Variants in SUPV3L1 observed in about 807,000 individuals in gnomAD.
SUPV3L1 encodes the protein Suv3 like RNA helicase.
A neutral mutation model predicts 70.0 loss-of-function variants in SUPV3L1; 35 were observed. The ratio of observed to expected loss-of-function variants is 0.50; its 90% CI spans 0.38 to 0.66. The LOEUF is 0.66. SUPV3L1 is among the 30% of genes least tolerant of loss of function. SUPV3L1 has a pLI of 0.00. For synonymous variants in SUPV3L1, 364 were observed against 341.9 expected (o/e 1.06, Z -0.71); for missense variants, 777 against 961.5 (o/e 0.81, Z 2.54).
Position 69,204,229 on chromosome 10 carries a change from T to A in SUPV3L1, c.1776+1186T>A, listed in dbSNP as rs896776503. Among the ~76,000 whole-genome samples, 47 of 152,156 alleles carry A rather than the reference T, an allele frequency of 3.1e-4. 1 individual carries two copies. Among genetic ancestry groups the A allele is most frequent in the Non-Finnish European group, 7.3e-5 (5 of 68,030 alleles). On this transcript the variant is annotated intron_variant, in intron 13 of 14. Transcript: ENST00000359655. Reference sequence around the variant, plus strand: ...GCGGTTCAGAACTGTATGTACCTTATAAACATAACATGTTCTCTCACCTCC... The same window carrying A: ...GCGGTTCAGAACTGTATGTACCTTAAAAACATAACATGTTCTCTCACCTCC...
chr10:69,201,350 T>C (rs563734321), intron 11 of SUPV3L1, among the ~76,000 whole-genome samples: 1 of 152,250 alleles, frequency 6.6e-6, no homozygotes, highest in East Asian at 1.9e-4. Flanking sequence ...GTCCTAACGG[T>C]GTAATGTGTA....
In SUPV3L1 at chr10:69,201,265, CTCTTT is replaced by C. The variant is rs1842673442; in HGVS notation, c.1518+771_1518+775del. ...CTCCCTTATGACTAATTTCTCTTGC[CTCTTT>C]TCTTCTGTCTTTTTCATTCACTTTC... On this transcript the variant is annotated intron_variant, in intron 11 of 14. Coordinates refer to ENST00000359655, the MANE Select transcript of SUPV3L1 (RefSeq NM_003171.5). Among the ~76,000 whole-genome samples the C allele has an allele frequency of 2.0e-5, 3 of 152,260 alleles. No individual in the cohort carries two copies. The South Asian group carries it at 6.2e-4, about 32-fold the overall frequency.
At chr10:69,191,808 A>AT in intron 6 of SUPV3L1, 42 bp downstream of exon 6, 5 of 1,490,542 alleles carry the variant, frequency 3.4e-6, no homozygotes, top group East Asian at 2.3e-5. Context: ...TGGTATTTTT[A>AT]ATTTTTTTTT....
chr10:69,195,921 A>T (rs1842530473), intron 7 of SUPV3L1, among the ~76,000 whole-genome samples: 1 of 151,808 alleles, frequency 6.6e-6, no homozygotes, highest in African/African-American at 2.4e-5. Context: ...AACTTTTTAA[A>T]TTTTTTGTAA....
At chr10:69,206,168 A>G (rs1842822903) in intron 13 of SUPV3L1, among the ~76,000 whole-genome samples, 2 of 152,216 alleles carry the variant, frequency 1.3e-5, no homozygotes, top group South Asian at 4.1e-4. Context: ...TTGAGAACTC[A>G]TGCTTGGCCT....
At chr10:69,205,564 C>T (rs1352748162) in intron 13 of SUPV3L1, among the ~76,000 whole-genome samples, 2 of 152,190 alleles carry the variant, frequency 1.3e-5, no homozygotes, top group African/African-American at 2.4e-5. Context: ...GATGAAGTCT[C>T]ACTCTGTTGC....
chr10:69,189,382 T>C lies in SUPV3L1; in HGVS notation c.688T>C (p.Cys230Arg). The part of the protein sequence containing the change: ...KYFSAKSGVY[C>R]GPLKLLAHEI... Reference sequence around the variant, plus strand: ...CTTCTCAGCAAAGTCTGGAGTGTATTGTGGCCCTCTAAAATTACTGGCACA... The same window carrying C: ...CTTCTCAGCAAAGTCTGGAGTGTATCGTGGCCCTCTAAAATTACTGGCACA... Residue 230 changes from cysteine (C) to arginine (R), a missense_variant, in exon 5 of 15, where the codon TGT (cysteine) becomes CGT (arginine). Cys to Arg is a radical substitution (Grantham distance 180). Around this residue, in one of 2 missense-constraint regions of SUPV3L1, gnomAD observed 619 missense variants for 823.3 expected, o/e 0.75. Coordinates refer to ENST00000359655, the MANE Select transcript of SUPV3L1 (RefSeq NM_003171.5). 1 of 1,613,616 alleles carries C rather than the reference T, an allele frequency of 6.2e-7. No homozygotes were observed. The highest frequency in any genetic ancestry group is 8.5e-7 in the Non-Finnish European group (1 of 1,179,758).
rs142697139 is a variant in SUPV3L1, at chr10:69,180,663, C to T, written c.271+101C>T. On this transcript the variant is annotated intron_variant, in intron 1 of 14. Transcript: ENST00000359655. ...CCCTTCCCCTGGGGATCCGAGGTCC[C>T]ATCGAGTGTTGTCATCGTGCCTCTC... 4.9e-4 allele frequency: 725 copies of T among 1,490,882 alleles called. 6 individuals are homozygous for T. In the African/African-American group the frequency reaches 8.7e-3, roughly 18 times the overall value. 92.4% of individuals were successfully genotyped at this position (1,490,882 alleles called of 1,614,324 possible). A position where few individuals can be genotyped will look rare whatever the true frequency, so the allele number is the denominator to read the frequency against.
At position 69,180,449 on chromosome 10, in the gene SUPV3L1, C is replaced by T; in HGVS notation, c.158C>T (p.Ser53Phe). Residue 53 changes from serine to phenylalanine, a missense_variant, in exon 1 of 15, where the codon TCC (serine) becomes TTC (phenylalanine). Coordinates refer to ENST00000359655, the MANE Select transcript of SUPV3L1 (RefSeq NM_003171.5). Reference sequence around the variant, plus strand: ...CTTGCCACCGCCTCCTCCTCTGCCTCCGGTGGCTCCAAAATACCAAACACG... The same window carrying T: ...CTTGCCACCGCCTCCTCCTCTGCCTTCGGTGGCTCCAAAATACCAAACACG... ...SVLATASSSA[S>F]GGSKIPNTSL... 6.2e-7 allele frequency: 1 copy of T among 1,614,264 alleles called. No individual in the cohort carries two copies. The highest frequency in any genetic ancestry group is 8.5e-7 in the Non-Finnish European group (1 of 1,180,046).
Position 69,187,629 on chromosome 10 carries a change from T to C in SUPV3L1, c.458-13T>C, listed in dbSNP as rs1007018983. The C allele has an allele frequency of 1.7e-5, 27 of 1,563,538 alleles. No homozygotes were observed. Among genetic ancestry groups the C allele is most frequent in the Non-Finnish European group, 2.3e-5 (26 of 1,144,260 alleles). On this transcript the variant is annotated splice_polypyrimidine_tract_variant and intron_variant, in intron 3 of 14. Coordinates refer to ENST00000359655, the MANE Select transcript of SUPV3L1 (RefSeq NM_003171.5). The stretch of plus-strand genomic sequence containing the variant: ...GTAGATTGCACATGTTAATACAGTG[T>C]TTTATTTTCCAGCTCATGCGGATGA...
chr10:69,188,699 A>C (rs570925994), intron 4 of SUPV3L1, among the ~76,000 whole-genome samples: 13 of 151,962 alleles, frequency 8.6e-5, no homozygotes, highest in African/African-American at 3.1e-4. Flanking sequence ...GGGGCTCACC[A>C]TGTTGGCCAG....
At chr10:69,184,725 A>T (rs1445602686) in intron 1 of SUPV3L1, among the ~76,000 whole-genome samples, 1 of 151,936 alleles carries the variant, frequency 6.6e-6, no homozygotes, top group Non-Finnish European at 1.5e-5. Context: ...ATTCTGTCAA[A>T]CAGTTTTATT....
chr10:69,208,693 C>G lies in SUPV3L1; in HGVS notation c.2019C>G (p.Ile673Met). The G allele has an allele frequency of 1.2e-6, 2 of 1,614,156 alleles. No homozygotes were observed. Among genetic ancestry groups the G allele is most frequent in the Non-Finnish European group, 1.7e-6 (2 of 1,180,048 alleles). The change falls in exon 15 of 15, where the codon ATC becomes ATG. Residue 673 changes from isoleucine (I) to methionine (M), a missense_variant. Around this residue, in one of 2 missense-constraint regions of SUPV3L1, gnomAD observed 619 missense variants for 823.3 expected, o/e 0.75. Transcript: ENST00000359655. Reference protein sequence around the residue: ...DGIIQDGVHNITKLIKMSETH... With the variant: ...DGIIQDGVHNMTKLIKMSETH... ...TTATCCAAGATGGTGTGCACAATAT[C>G]ACTAAATTGATTAAAATGTCTGAGA...
chr10:69,196,994 C>A lies in SUPV3L1; in HGVS notation c.934C>A (p.Leu312Met), dbSNP rs1339256884. The part of the protein sequence containing the change: ...GWAWTRALLG[L>M]CAEEVHLCGE... ...GAAACCCAGTTTTGCATTGACAGGACTGTGTGCTGAAGAGGTTCATTTGTG... is the reference window on the plus strand; with the variant it reads ...GAAACCCAGTTTTGCATTGACAGGAATGTGTGCTGAAGAGGTTCATTTGTG... Residue 312 changes from leucine to methionine, a missense_variant and splice_region_variant, in exon 8 of 15, where the codon CTG (leucine) becomes ATG (methionine). By Grantham distance (15) the Leu-to-Met change is conservative. This residue lies in a region of SUPV3L1 where 619 missense variants were observed against 823.3 expected (regional missense o/e 0.75). Coordinates refer to ENST00000359655, the MANE Select transcript of SUPV3L1 (RefSeq NM_003171.5). The A allele has an allele frequency of 1.9e-6, 3 of 1,613,776 alleles. No individual in the cohort carries two copies. The highest frequency in any genetic ancestry group is 3.3e-5 in the Admixed American group (2 of 59,992).
intron 1 of SUPV3L1, among the ~76,000 whole-genome samples, chr10:69,181,248 T>G (rs1842049582): frequency 6.6e-6 from 1 of 152,174 alleles, no homozygotes; most frequent in South Asian, 2.1e-4. Context: ...TGTGAATGTT[T>G]TCAAGGTGAG....
chr10:69,190,338 A>AT (rs1310830337), intron 5 of SUPV3L1, among the ~76,000 whole-genome samples: 1 of 152,126 alleles, frequency 6.6e-6, no homozygotes, highest in East Asian at 1.9e-4. Flanking sequence ...CTGAGGCATC[A>AT]TTTTCACTAA....
At chr10:69,185,504 CTT>C (rs35590294) in intron 1 of SUPV3L1, among the ~76,000 whole-genome samples, 7 of 139,488 alleles carry the variant, frequency 5.0e-5, no homozygotes, top group African/African-American at 7.9e-5. Context: ...TCATTTTTCT[CTT>C]TTTTTTTTTT....
At chr10:69,206,335 T>C (rs1842827281) in intron 13 of SUPV3L1, among the ~76,000 whole-genome samples, 1 of 152,242 alleles carries the variant, frequency 6.6e-6, no homozygotes, top group African/African-American at 2.4e-5. Flanking sequence ...CTCTGAAGTA[T>C]TAACCTTGCT....
rs2132301617 is a variant in SUPV3L1, at chr10:69,202,413, A to G, written c.1519-26A>G. On this transcript the variant is annotated intron_variant, in intron 11 of 14. Transcript: ENST00000359655. ...TTTTTGAAAAAAAAAAAATCAGCTTATGATTGTTTTTTCTTTTACTAAAAG... is the reference window on the plus strand; with the variant it reads ...TTTTTGAAAAAAAAAAAATCAGCTTGTGATTGTTTTTTCTTTTACTAAAAG... The G allele has an allele frequency of 3.1e-6, 5 of 1,588,864 alleles. No homozygotes were observed. The South Asian group carries it at 4.6e-5, about 15-fold the overall frequency.
Sources: allele counts gnomAD v4.1 joint callset (sites outside exome capture counted in the v4.1 genomes callset), GRCh38; gene constraint gnomAD v4.1.1; regional missense constraint gnomAD v4.1.1; transcripts MANE v1.5; gene names NCBI Gene and HGNC (gene_info 2026-07-23, HGNC 2026-07-21).